Variants in ARSJ observed in about 807,000 individuals in gnomAD.
ARSJ encodes the protein arylsulfatase J.
ARSJ carries 26 observed loss-of-function variants against 35.9 expected under a neutral mutation model. The ratio of observed to expected loss-of-function variants is 0.72; its 90% CI spans 0.53 to 1.00. The LOEUF is 1.00. ARSJ is among the 50% of genes least tolerant of loss of function. The pLI is 0.00. For missense variants in ARSJ, 667 were observed against 723.6 expected, an observed-to-expected ratio of 0.92 and a Z score of 0.90; for synonymous variants, 294 against 267.6, an observed-to-expected ratio of 1.10 and a Z score of -0.96.
In ARSJ at chr4:113,902,045, A is replaced by G. The variant is rs2099667244; in HGVS notation, c.*229T>C. The G allele has an allele frequency of 7.4e-7, 1 of 1,352,632 alleles. No homozygotes were observed. The highest frequency in any genetic ancestry group is 1.5e-5 in the African/African-American group (1 of 68,486). 83.8% of individuals were successfully genotyped at this position (1,352,632 alleles called of 1,614,324 possible). Reference sequence around the variant, plus strand: ...GTTTTCTAAAGGAGCAAGAGAAATAAACATCTCCACTCTCTCTAAGTGTGG... The same window carrying G: ...GTTTTCTAAAGGAGCAAGAGAAATAGACATCTCCACTCTCTCTAAGTGTGG... On this transcript the variant is annotated 3_prime_UTR_variant, in exon 2 of 2. Coordinates refer to ENST00000315366, the MANE Select transcript of ARSJ (RefSeq NM_024590.4).
Position 113,903,644 on chromosome 4 carries a change from T to C in ARSJ, c.430A>G (p.Ile144Val), listed in dbSNP as rs1383420460. 1 of 1,613,750 alleles carries C rather than the reference T, an allele frequency of 6.2e-7. No individual in the cohort carries two copies. The highest frequency in any genetic ancestry group is 8.5e-7 in the Non-Finnish European group (1 of 1,179,694). Reference sequence around the variant, plus strand: ...CAGTTGGGTTGGGTAGGTCTTATGATAGAATGTTGAAGTCCGGTGTGTATC... The same window carrying C: ...CAGTTGGGTTGGGTAGGTCTTATGACAGAATGTTGAAGTCCGGTGTGTATC... ...YQIHTGLQHS[I>V]IRPTQPNCLP... Residue 144 changes from isoleucine to valine, a missense_variant, in exon 2 of 2, where the codon ATC becomes GTC. Physicochemically the swap from Ile to Val is conservative, Grantham distance 29 (BLOSUM62 3). Transcript: ENST00000315366.
At chr4:113,912,665 G>A (rs553330881) in intron 1 of ARSJ, among the ~76,000 whole-genome samples, 6 of 151,654 alleles carry the variant, frequency 4.0e-5, no homozygotes, top group East Asian at 1.9e-4. Flanking sequence ...TTGTTCACTA[G>A]TATATATATA....
At chr4:113,922,224 C>G (rs192738851) in intron 1 of ARSJ, among the ~76,000 whole-genome samples, 1 of 152,106 alleles carries the variant, frequency 6.6e-6, no homozygotes, top group Non-Finnish European at 1.5e-5. Context: ...AAGTACTGTG[C>G]TGAAATTCGT....
intron 1 of ARSJ, among the ~76,000 whole-genome samples, chr4:113,969,807 T>C (rs1325061149): frequency 6.6e-6 from 1 of 152,240 alleles, no homozygotes; most frequent in Non-Finnish European, 1.5e-5. Context: ...TATTCATCCA[T>C]TCATTCATTC....
chr4:113,926,156 T>G (rs538215462), intron 1 of ARSJ, among the ~76,000 whole-genome samples: 56 of 152,290 alleles, frequency 3.7e-4, no homozygotes, highest in African/African-American at 1.2e-3. Flanking sequence ...ACAAATATCT[T>G]CACAGTTTTT....
chr4:113,929,485 A>C (rs148968587), intron 1 of ARSJ, among the ~76,000 whole-genome samples: 347 of 152,238 alleles, frequency 2.3e-3, no homozygotes, highest in Non-Finnish European at 4.0e-3. Flanking sequence ...CCCTTCTGGC[A>C]ACAAAGGTTC....
At chr4:113,976,939 A>G (rs1594530604) in intron 1 of ARSJ, among the ~76,000 whole-genome samples, 2 of 152,346 alleles carry the variant, frequency 1.3e-5, no homozygotes, top group East Asian at 3.9e-4. Flanking sequence ...GTTTAAGAAC[A>G]AATTTTCTTG....
intron 1 of ARSJ, among the ~76,000 whole-genome samples, chr4:113,910,656 A>G (rs1368130966): frequency 6.6e-6 from 1 of 152,170 alleles, no homozygotes; most frequent in East Asian, 1.9e-4. Context: ...TCAGTTAATT[A>G]TATCTTCTGG....
At chr4:113,978,325 T>C (rs1204088562) in intron 1 of ARSJ, 112 bp downstream of exon 1, 1 of 986,894 alleles carries the variant, frequency 1.0e-6, no homozygotes, top group Non-Finnish European at 1.5e-6. Context: ...TCATTCTTCA[T>C]TCATTCAGTT....
chr4:113,917,553 C>A (rs1723391667), intron 1 of ARSJ, among the ~76,000 whole-genome samples: 2 of 151,920 alleles, frequency 1.3e-5, no homozygotes, highest in Admixed American at 6.6e-5. Flanking sequence ...AGAACACAAG[C>A]TAAAAATAAA....
intron 1 of ARSJ, among the ~76,000 whole-genome samples, chr4:113,944,718 G>C (rs1306874231): frequency 6.6e-6 from 1 of 151,930 alleles, no homozygotes; most frequent in Non-Finnish European, 1.5e-5. Flanking sequence ...AGAAGAATGA[G>C]AGTAATACAA....
At position 113,902,183 on chromosome 4, in the gene ARSJ, G is replaced by T; in HGVS notation, c.*91C>A. The T allele has an allele frequency of 6.3e-7, 1 of 1,599,138 alleles. No individual in the cohort carries two copies. The highest frequency in any genetic ancestry group is 8.5e-7 in the Non-Finnish European group (1 of 1,179,890). ...AAACAAGCCTGACGCTTAGGCCAGC[G>T]ATATTATCGAGCCAAATTTGCTGGT... is the stretch of plus-strand genomic sequence containing the variant. On this transcript the variant is annotated 3_prime_UTR_variant, in exon 2 of 2. Transcript: ENST00000315366.
chr4:113,967,771 T>C (rs933837607), intron 1 of ARSJ, among the ~76,000 whole-genome samples: 2 of 152,208 alleles, frequency 1.3e-5, no homozygotes, highest in African/African-American at 4.8e-5. Context: ...GCAATGGTAA[T>C]ATGATGTTAA....
chr4:113,917,315 C>T (rs1562340286), intron 1 of ARSJ, among the ~76,000 whole-genome samples: 1 of 152,038 alleles, frequency 6.6e-6, no homozygotes, highest in Non-Finnish European at 1.5e-5. Context: ...TTATAACATC[C>T]AAAACTGTCA....
At chr4:113,946,031 G>C (rs1284251923) in intron 1 of ARSJ, among the ~76,000 whole-genome samples, 1 of 151,366 alleles carries the variant, frequency 6.6e-6, no homozygotes, top group Non-Finnish European at 1.5e-5. Flanking sequence ...CTTAAGAATT[G>C]CTTTTTCTTC....
intron 1 of ARSJ, among the ~76,000 whole-genome samples, chr4:113,904,998 A>G (rs574973474): frequency 8.5e-5 from 13 of 152,352 alleles, no homozygotes; most frequent in African/African-American, 3.1e-4. Context: ...AGTCTAAGAA[A>G]GCATAACACT....
chr4:113,930,953 C>A (rs542902734), intron 1 of ARSJ, among the ~76,000 whole-genome samples: 2 of 150,614 alleles, frequency 1.3e-5, no homozygotes, highest in Admixed American at 6.6e-5. Context: ...CATATTCTCA[C>A]TCATAGGTGG....
chr4:113,964,977 T>A (rs79830393), intron 1 of ARSJ, among the ~76,000 whole-genome samples: 3,193 of 152,214 alleles, frequency 0.021, 132 homozygotes, highest in East Asian at 0.16. Flanking sequence ...CTTTTCACAG[T>A]CAAATTTAAA....
intron 1 of ARSJ, among the ~76,000 whole-genome samples, chr4:113,937,912 A>C (rs567137802): frequency 3.9e-5 from 6 of 152,276 alleles, no homozygotes; most frequent in African/African-American, 1.4e-4. Flanking sequence ...ATAGAAAAAC[A>C]TTCTATGCTC....
Sources: gnomAD v4.1 joint callset for allele counts (sites outside exome capture counted in the v4.1 genomes callset) on GRCh38, gnomAD v4.1.1 for gene constraint, MANE v1.5 for transcripts, NCBI Gene and HGNC (gene_info 2026-07-23, HGNC 2026-07-21) for gene names.